KCNH1: variants seen among roughly 807,000 people sequenced by gnomAD.
KCNH1 encodes potassium voltage-gated channel subfamily H member 1.
In KCNH1, 27 loss-of-function variants were observed where a neutral mutation model predicts 69.2. That is an observed-to-expected ratio of 0.39 (90% CI 0.29 to 0.54). The LOEUF (loss-of-function observed/expected upper bound fraction) is 0.54, where lower values mean the gene tolerates loss of function less well. Among genes scored for constraint, KCNH1 ranks in the 20% least tolerant of loss-of-function variants. The probability of loss-of-function intolerance (pLI) is 0.68; values close to 1 mark genes in which losing one functional copy is unlikely to be tolerated. For missense variants in KCNH1, 798 were observed against 1,261.6 expected (o/e 0.63, Z 5.57); for synonymous variants, 456 against 487.7 (o/e 0.93, Z 0.86).
chr1:211,034,231 T>C (rs986314443), intron 5 of KCNH1, among the ~76,000 whole-genome samples: 9 of 152,192 alleles, frequency 5.9e-5, no homozygotes, highest in African/African-American at 2.2e-4. Context: ...CTTCTATATA[T>C]ATCATAGAGC....
chr1:211,056,998 C>G (rs140482606), intron 5 of KCNH1, among the ~76,000 whole-genome samples: 1 of 152,296 alleles, frequency 6.6e-6, no homozygotes, highest in East Asian at 1.9e-4. Flanking sequence ...TCGAGACCAT[C>G]CAGTAAAATG....
intron 10 of KCNH1, among the ~76,000 whole-genome samples, chr1:210,708,072 G>A (rs1681958454): frequency 6.6e-6 from 1 of 152,200 alleles, no homozygotes; most frequent in Non-Finnish European, 1.5e-5. Flanking sequence ...AGCATCTTGT[G>A]TGTTTGCAAC....
At chr1:210,950,509 T>A (rs951683342) in intron 6 of KCNH1, among the ~76,000 whole-genome samples, 4 of 150,718 alleles carry the variant, frequency 2.7e-5, no homozygotes, top group Admixed American at 6.6e-5. Context: ...GAGAATGATG[T>A]TTTCCAATTT....
chr1:210,718,927 A>G lies in KCNH1; in HGVS notation c.2113-34789T>C, dbSNP rs569917951. On this transcript the variant is annotated intron_variant, in intron 10 of 10. Coordinates refer to ENST00000271751, the MANE Select transcript of KCNH1 (RefSeq NM_172362.3). ...AAGACTCAAGAGTCTGTGGGGATCA[A>G]TGATATCTCAATGGAATCAAAAACC... is the stretch of plus-strand genomic sequence containing the variant. 7.2e-5 allele frequency among the ~76,000 whole-genome samples: 11 copies of G among 152,026 alleles called. No homozygotes were observed. In the South Asian group the frequency reaches 8.3e-4, roughly 11 times the overall value.
chr1:211,004,780 T>C (rs1689247394), intron 6 of KCNH1, among the ~76,000 whole-genome samples: 1 of 152,126 alleles, frequency 6.6e-6, no homozygotes, highest in Non-Finnish European at 1.5e-5. Flanking sequence ...GCAAGGTTTA[T>C]GTTAAGGGAT....
intron 1 of KCNH1, among the ~76,000 whole-genome samples, chr1:211,120,684 G>GT (rs1485976544): frequency 2.0e-5 from 3 of 152,050 alleles, no homozygotes; most frequent in Admixed American, 6.6e-5. Flanking sequence ...AAAAAGAGGG[G>GT]TTTTTTGGTA....
chr1:211,121,000 G>A (rs1253140696), intron 1 of KCNH1, among the ~76,000 whole-genome samples: 3 of 152,020 alleles, frequency 2.0e-5, no homozygotes, highest in South Asian at 4.1e-4. Flanking sequence ...TCTTCAAGGA[G>A]AACAAACTAC....
chr1:211,053,667 A>T (rs180688885), intron 5 of KCNH1, among the ~76,000 whole-genome samples: 3 of 152,306 alleles, frequency 2.0e-5, no homozygotes, highest in Admixed American at 6.5e-5. Context: ...AGCAGCTCCA[A>T]GGCTAAAACT....
chr1:210,780,050 G>C (rs148544953), intron 9 of KCNH1, among the ~76,000 whole-genome samples: 1 of 152,208 alleles, frequency 6.6e-6, no homozygotes, highest in Non-Finnish European at 1.5e-5. Context: ...ACTTGAGAAA[G>C]CTGAAGGTGG....
chr1:210,740,704 A>ATTTTTTTTTTTTTTTTT (rs199727493), intron 10 of KCNH1, among the ~76,000 whole-genome samples: 3 of 117,262 alleles, frequency 2.6e-5, no homozygotes, highest in African/African-American at 1.0e-4. Context: ...TTATGATTAA[A>ATTTTTTTTTTTTTTTTT]TTTTTTTTTT....
chr1:210,708,792 A>G lies in KCNH1; in HGVS notation c.2113-24654T>C, dbSNP rs542458406. On this transcript the variant is annotated intron_variant, in intron 10 of 10. Transcript: ENST00000271751. Reference sequence around the variant, plus strand: ...TGTAACATTCAGATTCCCAATTCCAAAATGGAAAGTCTCTGTTGGGTTACT... The same window carrying G: ...TGTAACATTCAGATTCCCAATTCCAGAATGGAAAGTCTCTGTTGGGTTACT... Among the ~76,000 whole-genome samples the G allele has an allele frequency of 2.0e-5, 3 of 152,290 alleles. No individual in the cohort carries two copies. In the East Asian group the frequency reaches 5.8e-4, roughly 30 times the overall value.
In KCNH1 at chr1:210,689,898, C is replaced by T. The variant is rs944208264; in HGVS notation, c.2113-5760G>A. Among the ~76,000 whole-genome samples the T allele has an allele frequency of 4.6e-5, 7 of 152,236 alleles. No individual in the cohort carries two copies. The South Asian group carries it at 1.2e-3, about 27-fold the overall frequency. ...TGATTCTGACATGGGCAGCCTGACC[C>T]AGGTCTGCTGACCAGGCTCTCAGAA... On this transcript the variant is annotated intron_variant, in intron 10 of 10. Coordinates refer to ENST00000271751, the MANE Select transcript of KCNH1 (RefSeq NM_172362.3).
chr1:210,996,193 C>A (rs1415442531), intron 6 of KCNH1, among the ~76,000 whole-genome samples: 2 of 152,162 alleles, frequency 1.3e-5, no homozygotes, highest in African/African-American at 4.8e-5. Flanking sequence ...GGCATCGCCT[C>A]ACTCGGGAAG....
intron 9 of KCNH1, among the ~76,000 whole-genome samples, chr1:210,779,927 G>A (rs756899288): frequency 3.9e-5 from 6 of 152,226 alleles, no homozygotes; most frequent in South Asian, 2.1e-4. Context: ...TAGGTAGGAA[G>A]TGGGACACAG....
intron 6 of KCNH1, among the ~76,000 whole-genome samples, chr1:210,985,654 G>T (rs1483560697): frequency 6.6e-6 from 1 of 152,298 alleles, no homozygotes; most frequent in East Asian, 1.9e-4. Flanking sequence ...GAGAGAGTTT[G>T]TTATAATTTC....
At chr1:210,848,734 T>G (rs1442763132) in intron 7 of KCNH1, among the ~76,000 whole-genome samples, 1 of 152,218 alleles carries the variant, frequency 6.6e-6, no homozygotes, top group Non-Finnish European at 1.5e-5. Context: ...CATGAAATTT[T>G]GGCTTCATAA....
At chr1:210,742,291 T>G (rs1683049684) in intron 10 of KCNH1, among the ~76,000 whole-genome samples, 1 of 152,224 alleles carries the variant, frequency 6.6e-6, no homozygotes, top group Non-Finnish European at 1.5e-5. Flanking sequence ...AAGGGGACCA[T>G]TCATTCAAGG....
rs939252426 is a variant in KCNH1, at chr1:211,126,314, T to A, written c.79+7553A>T. Among the ~76,000 whole-genome samples the A allele has an allele frequency of 7.9e-5, 12 of 152,174 alleles. No homozygotes were observed. In the East Asian group the frequency reaches 2.1e-3, roughly 27 times the overall value. On this transcript the variant is annotated intron_variant, in intron 1 of 10. Coordinates refer to ENST00000271751, the MANE Select transcript of KCNH1 (RefSeq NM_172362.3). ...TCACAAGATCAGGAGATCAAGACCA[T>A]CCTGGCTAACACAGTGAAGCCCTAT...
intron 7 of KCNH1, chr1:210,860,467 G>A: frequency 1.2e-6 from 1 of 868,288 alleles, no homozygotes; most frequent in Non-Finnish European, 2.0e-6. Flanking sequence ...AGCAGTAACT[G>A]CTTTGTCATC....
Sources: gnomAD v4.1 joint callset for allele counts (sites outside exome capture counted in the v4.1 genomes callset) on GRCh38, gnomAD v4.1.1 for gene constraint, MANE v1.5 for transcripts, NCBI Gene and HGNC (gene_info 2026-07-23, HGNC 2026-07-21) for gene names.